Variants in VTI1B observed in about 807,000 individuals in gnomAD.
The protein encoded by VTI1B is vesicle transport through interaction with t-SNAREs homolog 1B.
A neutral mutation model predicts 28.6 loss-of-function variants in VTI1B; 18 were observed. The ratio of observed to expected loss-of-function variants is 0.63; its 90% CI spans 0.43 to 0.93. The LOEUF is 0.93. VTI1B is among the 40% of genes least tolerant of loss of function. The pLI, the probability that VTI1B is intolerant of heterozygous loss-of-function variation, is 0.00. For synonymous variants in VTI1B, 100 were observed against 107.9 expected (o/e 0.93, Z 0.46); for missense variants, 283 against 297.0 (o/e 0.95, Z 0.35).
intron 1 of VTI1B, among the ~76,000 whole-genome samples, chr14:67,667,208 T>C (rs923265775): frequency 2.6e-5 from 4 of 152,274 alleles, no homozygotes; most frequent in African/African-American, 9.6e-5. Flanking sequence ...TTGACCAAGG[T>C]GGGCAGCCTC....
intron 1 of VTI1B, among the ~76,000 whole-genome samples, chr14:67,668,844 G>A (rs1016759681): frequency 4.6e-5 from 7 of 152,152 alleles, no homozygotes; most frequent in African/African-American, 1.7e-4. Flanking sequence ...GATGCAGCTG[G>A]TTCATGGACC....
At position 67,651,322 on chromosome 14, in the gene VTI1B, A is replaced by T. The variant is rs769859693; in HGVS notation, c.*63T>A. ...GCAGCAATATGCTTATTCTATCCAC[A>T]TCCCTAACATCATGCATTCACAAGG... is the stretch of plus-strand genomic sequence containing the variant. On this transcript the variant is annotated 3_prime_UTR_variant, in exon 6 of 6. Coordinates refer to ENST00000554659, the MANE Select transcript of VTI1B (RefSeq NM_006370.3). 5.6e-6 allele frequency: 9 copies of T among 1,610,484 alleles called. No individual in the cohort carries two copies. Among genetic ancestry groups the T allele is most frequent in the Non-Finnish European group, 7.6e-6 (9 of 1,177,946 alleles).
rs933474060 is a variant in VTI1B, at chr14:67,663,674, A to AAAAT, written c.116-1143_116-1140dup. Among the ~76,000 whole-genome samples the AAAAT allele has an allele frequency of 4.7e-4, 72 of 152,304 alleles. 1 individual carries two copies. The highest frequency in any genetic ancestry group is 1.5e-3 in the African/African-American group (64 of 41,568). On this transcript the variant is annotated intron_variant, in intron 1 of 5. Coordinates refer to ENST00000554659, the MANE Select transcript of VTI1B (RefSeq NM_006370.3). ...GGGCGACAGAGGGAGACTCCATTTC[A>AAAAT]AAATAAATAAATAAATAAATAAAAT...
rs2037151551 is a variant in VTI1B at position 67,650,027 on chromosome 14, C to T, written c.*1358G>A. 6.6e-6 allele frequency: 1 copy of T among 152,100 alleles called. No individual in the cohort carries two copies. Among genetic ancestry groups the T allele is most frequent in the South Asian group, 2.1e-4 (1 of 4,814 alleles). 9.4% of individuals were successfully genotyped at this position (152,100 alleles called of 1,614,324 possible). The stretch of plus-strand genomic sequence containing the variant: ...GAGAACTTTGACACAAGTTCTCAAA[C>T]CTTAACAGAAGGTAACTGAAGTCCA... On this transcript the variant is annotated 3_prime_UTR_variant, in exon 6 of 6. Coordinates refer to ENST00000554659, the MANE Select transcript of VTI1B (RefSeq NM_006370.3).
intron 1 of VTI1B, among the ~76,000 whole-genome samples, chr14:67,670,500 C>A (rs919852949): frequency 6.6e-6 from 1 of 152,118 alleles, no homozygotes; most frequent in Non-Finnish European, 1.5e-5. Flanking sequence ...TCAAGTCCAG[C>A]CCTTTTTATG....
chr14:67,656,495 G>A lies in VTI1B; in HGVS notation c.461C>T (p.Thr154Ile), dbSNP rs2037259756. ...QSIERSHRIATETDQIGSEII... is the reference protein window; with the variant it reads ...QSIERSHRIAIETDQIGSEII... ...TTCTGAGCCAATCTGGTCAGTCTCT[G>A]TGGCAATCCGATGAGAACGTTCAAT... The change falls in exon 4 of 6, where the codon ACA (threonine) becomes ATA (isoleucine). Residue 154 changes from threonine (T) to isoleucine (I), a missense_variant. Thr to Ile is a moderately conservative substitution (Grantham distance 89). Coordinates refer to ENST00000554659, the MANE Select transcript of VTI1B (RefSeq NM_006370.3). The A allele has an allele frequency of 4.3e-6, 7 of 1,613,798 alleles. No homozygotes were observed. Among genetic ancestry groups the A allele is most frequent in the African/African-American group, 1.3e-5 (1 of 74,864 alleles).
chr14:67,674,155 G>A (rs73274596), intron 1 of VTI1B, among the ~76,000 whole-genome samples: 4 of 152,334 alleles, frequency 2.6e-5, no homozygotes, highest in African/African-American at 9.6e-5. Context: ...GAGAAAATGT[G>A]GAAGGCCATA....
At chr14:67,656,188 G>C (rs2037253883) in intron 4 of VTI1B, among the ~76,000 whole-genome samples, 1 of 150,828 alleles carries the variant, frequency 6.6e-6, no homozygotes, top group Non-Finnish European at 1.5e-5. Flanking sequence ...GGAGGTTGCA[G>C]CAAGTGGAGA....
chr14:67,664,260 C>G (rs1253008350), intron 1 of VTI1B, among the ~76,000 whole-genome samples: 1 of 152,170 alleles, frequency 6.6e-6, no homozygotes, highest in Non-Finnish European at 1.5e-5. Context: ...TTTATCCTCT[C>G]AAACTGAAAT....
chr14:67,665,207 T>C (rs746713279), intron 1 of VTI1B, among the ~76,000 whole-genome samples: 2 of 152,084 alleles, frequency 1.3e-5, no homozygotes, highest in Non-Finnish European at 2.9e-5. Flanking sequence ...CTGTAATGCT[T>C]TATATGGATT....
At chr14:67,671,283 T>G (rs1050356659) in intron 1 of VTI1B, among the ~76,000 whole-genome samples, 4 of 152,188 alleles carry the variant, frequency 2.6e-5, no homozygotes, top group African/African-American at 4.8e-5. Context: ...CCTAGCACTT[T>G]GGGAGGCCGT....
At chr14:67,662,132 G>A (rs1021158798) in intron 2 of VTI1B, among the ~76,000 whole-genome samples, 12 of 151,670 alleles carry the variant, frequency 7.9e-5, no homozygotes, top group African/African-American at 2.9e-4. Context: ...CTCCAGCTTG[G>A]GCAACAGAGC....
chr14:67,653,481 T>C lies in VTI1B; in HGVS notation c.558A>G (p.Glu186=). 1 of 1,614,062 alleles carries C rather than the reference T, an allele frequency of 6.2e-7. No homozygotes were observed. The highest frequency in any genetic ancestry group is 8.5e-7 in the Non-Finnish European group (1 of 1,179,936). ...GAATCTTCCGACTTTTGCTCAAGTT[T>C]TCACTTGTGTTTACCAGCTGAGAAG... ...RTKSRLVNTS[E]NLSKSRKILR... is the part of the protein sequence containing the mutation. Residue 186 remains glutamate (E), a synonymous_variant, in exon 5 of 6, where the codon GAA becomes GAG. Transcript: ENST00000554659.
At position 67,650,401 on chromosome 14, in the gene VTI1B, CCT is replaced by C; in HGVS notation, c.*982_*983del. On this transcript the variant is annotated 3_prime_UTR_variant, in exon 6 of 6. Transcript: ENST00000554659. ...ATTTTGCCAACAAGCAGGATGAAAA[CCT>C]CCCCCACCCAACACCAAGCCTTTTC... is the stretch of plus-strand genomic sequence containing the variant. The C allele has an allele frequency of 3.1e-6, 1 of 327,722 alleles. No homozygotes were observed. The highest frequency in any genetic ancestry group is 5.7e-6 in the Non-Finnish European group (1 of 176,370). 20.3% of individuals were successfully genotyped at this position (327,722 alleles called of 1,614,324 possible).
At chr14:67,654,368 C>G (rs1432449386) in intron 4 of VTI1B, among the ~76,000 whole-genome samples, 1 of 152,130 alleles carries the variant, frequency 6.6e-6, no homozygotes, top group Non-Finnish European at 1.5e-5. Flanking sequence ...GTTTCAAACT[C>G]CTAGGCTCAA....
chr14:67,672,122 C>A (rs2037471615), intron 1 of VTI1B, among the ~76,000 whole-genome samples: 1 of 130,798 alleles, frequency 7.6e-6, no homozygotes, highest in Non-Finnish European at 1.8e-5. Context: ...ATGCAGTCTA[C>A]ATTTTTTTTT....
intron 1 of VTI1B, among the ~76,000 whole-genome samples, chr14:67,673,367 A>C (rs2037493441): frequency 1.3e-5 from 2 of 152,130 alleles, no homozygotes; most frequent in African/African-American, 4.8e-5. Context: ...ATAAATAATA[A>C]AATAAAACTG....
intron 2 of VTI1B, among the ~76,000 whole-genome samples, chr14:67,661,425 C>T (rs10146242): frequency 0.04 from 6,048 of 151,326 alleles, 353 homozygotes; most frequent in African/African-American, 0.13. Flanking sequence ...GCCTGAGGTA[C>T]CAACTCCAGC....
chr14:67,655,157 T>C (rs1056848932), intron 4 of VTI1B, among the ~76,000 whole-genome samples: 2 of 149,458 alleles, frequency 1.3e-5, no homozygotes, highest in African/African-American at 4.9e-5. Context: ...TTTGGCAACA[T>C]AATGAGACCC....
Sources: allele counts gnomAD v4.1 joint callset (sites outside exome capture counted in the v4.1 genomes callset), GRCh38; gene constraint gnomAD v4.1.1; transcripts MANE v1.5; gene names NCBI Gene and HGNC (gene_info 2026-07-23, HGNC 2026-07-21).